HMGA2: variants seen among roughly 807,000 people sequenced by gnomAD.
HMGA2 encodes high mobility group AT-hook 2, also known as high mobility group protein HMGI-C.
A neutral mutation model predicts 19.1 loss-of-function variants in HMGA2; 8 were observed. The ratio of observed to expected loss-of-function variants is 0.42; its 90% CI spans 0.25 to 0.76. The LOEUF is 0.76. Among genes scored for constraint, HMGA2 ranks in the 30% least tolerant of loss-of-function variants. HMGA2 has a pLI of 0.28. For synonymous variants in HMGA2, 60 were observed against 48.8 expected (o/e 1.23, Z -0.96); for missense variants, 109 against 136.3 (o/e 0.80, Z 1.00).
chr12:65,883,249 T>C (rs1488226909), intron 3 of HMGA2, among the ~76,000 whole-genome samples: 1 of 152,212 alleles, frequency 6.6e-6, no homozygotes, highest in Non-Finnish European at 1.5e-5. Flanking sequence ...CTTGCCTCCT[T>C]AGACCCAGAT....
chr12:65,913,388 A>G (rs1017343627), intron 3 of HMGA2, among the ~76,000 whole-genome samples: 2 of 152,142 alleles, frequency 1.3e-5, no homozygotes, highest in South Asian at 2.1e-4. Flanking sequence ...ACTGAGTCCA[A>G]TAAGTGCAAT....
At chr12:65,834,716 G>T (rs967348948) in intron 2 of HMGA2, among the ~76,000 whole-genome samples, 1 of 152,016 alleles carries the variant, frequency 6.6e-6, no homozygotes, top group Non-Finnish European at 1.5e-5. Context: ...CTGTTTTCAA[G>T]CTCAAGAGAT....
chr12:65,895,431 G>A (rs569639904), intron 3 of HMGA2, among the ~76,000 whole-genome samples: 17 of 152,160 alleles, frequency 1.1e-4, no homozygotes, highest in African/African-American at 3.9e-4. Context: ...GTTTTTAAAA[G>A]CCTTTGTACC....
rs916673952 is a variant in HMGA2 at position 65,825,087 on chromosome 12, A to G, written c.-184A>G. ...CTCTTCTCTTTTTGGCAGCCGCTGG[A>G]CGTCCGGTGTTGATGGTGGCAGCGG... On this transcript the variant is annotated 5_prime_UTR_variant, in exon 1 of 5. Transcript: ENST00000403681. The surrounding 1 kb of genome is among the most constrained non-coding windows in gnomAD (Gnocchi z 4.4). 6 of 508,192 alleles carry G rather than the reference A, an allele frequency of 1.2e-5. No homozygotes were observed. Among genetic ancestry groups the G allele is most frequent in the Middle Eastern group, 5.1e-4 (1 of 1,968 alleles). The allele number at this position is 508,192 out of a possible 1,614,324, so 31.5% of individuals were successfully genotyped here. A position where few individuals can be genotyped will look rare whatever the true frequency, so the allele number is the denominator to read the frequency against.
At chr12:65,860,131 T>C (rs182195902) in intron 3 of HMGA2, 22 of 397,700 alleles carry the variant, frequency 5.5e-5, no homozygotes, top group Admixed American at 5.3e-4. Flanking sequence ...AAAAGGGCAT[T>C]TAAGACATCT....
chr12:65,907,406 C>T lies in HMGA2; in HGVS notation c.250-43977C>T, dbSNP rs143048167. Among the ~76,000 whole-genome samples the T allele has an allele frequency of 2.5e-3, 333 of 133,954 alleles. 2 individuals are homozygous for T. The highest frequency in any genetic ancestry group is 8.4e-3 in the African/African-American group (287 of 34,026). 87.9% of individuals were successfully genotyped at this position (133,954 alleles called of 152,430 possible). A position where few individuals can be genotyped will look rare whatever the true frequency, so the allele number is the denominator to read the frequency against. ...GCCTGGACAACAGAGTGAGAGATTC[C>T]GTCTCAAAAAAAAAAAAAAAAAAAA... On this transcript the variant is annotated intron_variant, in intron 3 of 4. Coordinates refer to ENST00000403681, the MANE Select transcript of HMGA2 (RefSeq NM_003483.6).
intron 3 of HMGA2, among the ~76,000 whole-genome samples, chr12:65,863,921 G>GCAAAA (rs905281817): frequency 6.6e-6 from 1 of 152,188 alleles, no homozygotes; most frequent in Non-Finnish European, 1.5e-5. Context: ...AAAGGTAATT[G>GCAAAA]CAAAACAATA....
chr12:65,827,928 T>C (rs570029511), intron 1 of HMGA2, 73 bp from the exon 2 acceptor site: 3 of 1,045,058 alleles, frequency 2.9e-6, no homozygotes, highest in African/African-American at 1.6e-5. Context: ...GCAGAAAATA[T>C]AGCTAAAGAG....
At chr12:65,841,432 T>A (rs1390623020) in intron 3 of HMGA2, among the ~76,000 whole-genome samples, 6 of 152,230 alleles carry the variant, frequency 3.9e-5, no homozygotes, top group Non-Finnish European at 5.9e-5. Flanking sequence ...AATTGTATAT[T>A]TTTTCTAGAC....
intron 3 of HMGA2, among the ~76,000 whole-genome samples, chr12:65,927,067 T>C (rs957646048): frequency 6.6e-6 from 1 of 152,172 alleles, no homozygotes; most frequent in Non-Finnish European, 1.5e-5. Flanking sequence ...TTGCAGTGTT[T>C]CATGGCCTTC....
At chr12:65,938,861 G>T (rs748197169) in intron 3 of HMGA2, among the ~76,000 whole-genome samples, 1 of 151,910 alleles carries the variant, frequency 6.6e-6, no homozygotes, top group Non-Finnish European at 1.5e-5. Flanking sequence ...GATAGAGTTT[G>T]CCATGTTGCC....
intron 3 of HMGA2, among the ~76,000 whole-genome samples, chr12:65,949,913 C>T (rs1876398954): frequency 6.6e-6 from 1 of 152,052 alleles, no homozygotes; most frequent in Non-Finnish European, 1.5e-5. Context: ...CATTTCTTCC[C>T]AGGAGACATA....
In HMGA2 at chr12:65,897,082, T is replaced by A. The variant is rs1306214527; in HGVS notation, c.250-54301T>A. Among the ~76,000 whole-genome samples, 6 of 152,332 alleles carry A rather than the reference T, an allele frequency of 3.9e-5. No homozygotes were observed. The East Asian group carries it at 7.7e-4, about 20-fold the overall frequency. On this transcript the variant is annotated intron_variant, in intron 3 of 4. Coordinates refer to ENST00000403681, the MANE Select transcript of HMGA2 (RefSeq NM_003483.6). ...GAATTATTTTAGGTGATGAACACTA[T>A]TTTTTTAAAGTTTTTATTTTTGTGG...
At chr12:65,855,190 G>A (rs1871667785) in intron 3 of HMGA2, among the ~76,000 whole-genome samples, 1 of 152,080 alleles carries the variant, frequency 6.6e-6, no homozygotes, top group South Asian at 2.1e-4. Flanking sequence ...TCATCCCCTG[G>A]AAATTCCTTG....
Position 65,838,500 on chromosome 12 carries a change from CT to C in HMGA2, c.199-17del. 6.2e-7 allele frequency: 1 copy of C among 1,603,180 alleles called. No homozygotes were observed. The highest frequency in any genetic ancestry group is 1.3e-5 in the African/African-American group (1 of 74,682). ...AATGTCAGGTAGAAAACTATAATGA[CT>C]TCCTTTTTCATTTGCAGAAAGCAGA... On this transcript the variant is annotated intron_variant, in intron 2 of 4. Coordinates refer to ENST00000403681, the MANE Select transcript of HMGA2 (RefSeq NM_003483.6).
At chr12:65,945,918 A>G (rs1464098422) in intron 3 of HMGA2, among the ~76,000 whole-genome samples, 1 of 152,244 alleles carries the variant, frequency 6.6e-6, no homozygotes, top group Non-Finnish European at 1.5e-5. Flanking sequence ...TTGTGTGGAT[A>G]CAAACATGAT....
At chr12:65,852,835 G>C (rs190557827) in intron 3 of HMGA2, among the ~76,000 whole-genome samples, 2 of 152,286 alleles carry the variant, frequency 1.3e-5, no homozygotes, top group African/African-American at 4.8e-5. Flanking sequence ...GTAATAAATA[G>C]GTGAAGTGCC....
Position 65,828,550 on chromosome 12 carries a change from TTAAAG to T in HMGA2, c.198+466_198+470del, listed in dbSNP as rs1404549219. On this transcript the variant is annotated intron_variant, in intron 2 of 4. Coordinates refer to ENST00000403681, the MANE Select transcript of HMGA2 (RefSeq NM_003483.6). ...GGCTACTGCAAACCAAATCCCCCTA[TTAAAG>T]TACTTTGCCAAATAGACGATAATTA... is the stretch of plus-strand genomic sequence containing the variant. 4 of 181,420 alleles carry T rather than the reference TTAAAG, an allele frequency of 2.2e-5. No homozygotes were observed. In the East Asian group the frequency reaches 4.4e-4, roughly 20 times the overall value. The allele number at this position is 181,420 out of a possible 1,614,324, so 11.2% of individuals were successfully genotyped here. A position where few individuals can be genotyped will look rare whatever the true frequency, so the allele number is the denominator to read the frequency against.
At chr12:65,876,819 G>A (rs1873061614) in intron 3 of HMGA2, 1 of 152,170 alleles carries the variant, frequency 6.6e-6, no homozygotes, top group African/African-American at 2.4e-5. Context: ...TATATTATGT[G>A]GTGCTCTACC....
Sources: allele counts gnomAD v4.1 joint callset (sites outside exome capture counted in the v4.1 genomes callset), GRCh38; gene constraint gnomAD v4.1.1; non-coding constraint Gnocchi (gnomAD v3.1); transcripts MANE v1.5; gene names NCBI Gene and HGNC (gene_info 2026-07-23, HGNC 2026-07-21).